MYO9B: variants seen among roughly 807,000 people sequenced by gnomAD.
MYO9B encodes unconventional myosin-IXb.
In MYO9B, 71 loss-of-function variants were observed where a neutral mutation model predicts 229.5. That is an observed-to-expected ratio of 0.31 (90% CI 0.26 to 0.38). MYO9B has a LOEUF of 0.38. Ranked by LOEUF, MYO9B falls within the 10% of genes least tolerant of loss-of-function variation. MYO9B has a pLI of 1.00. For missense variants in MYO9B, 2,255 were observed against 2,920.5 expected (o/e 0.77, Z 5.25); for synonymous variants, 1,185 against 1,235.8 (o/e 0.96, Z 0.86).
At chr19:17,178,879 C>T (rs2072821184) in intron 14 of MYO9B, among the ~76,000 whole-genome samples, 1 of 151,838 alleles carries the variant, frequency 6.6e-6, no homozygotes, top group Non-Finnish European at 1.5e-5. Flanking sequence ...ACTAAAAATA[C>T]AAAAATTAGC....
chr19:17,153,959 A>G lies in MYO9B; in HGVS notation c.999-8A>G. ...AACAACTATTTTCCTCCCAATTTTGACCTGTAGGAACTACCATGTGTTTTA... is the reference window on the plus strand; with the variant it reads ...AACAACTATTTTCCTCCCAATTTTGGCCTGTAGGAACTACCATGTGTTTTA... On this transcript the variant is annotated splice_polypyrimidine_tract_variant and splice_region_variant and intron_variant, in intron 4 of 39. Transcript: ENST00000682292. 1.2e-6 allele frequency: 2 copies of G among 1,610,896 alleles called. No homozygotes were observed. Among genetic ancestry groups the G allele is most frequent in the Non-Finnish European group, 1.7e-6 (2 of 1,177,156 alleles).
At chr19:17,087,207 G>A (rs369812958) in intron 1 of MYO9B, among the ~76,000 whole-genome samples, 2 of 152,322 alleles carry the variant, frequency 1.3e-5, no homozygotes, top group South Asian at 2.1e-4. Context: ...GGAGGGGTGG[G>A]CGTATAGCAC....
intron 31 of MYO9B, 121 bp from the exon 32 acceptor site, chr19:17,205,839 G>T: frequency 1.0e-6 from 1 of 975,032 alleles, no homozygotes. Flanking sequence ...AGACAGGGAG[G>T]GACAGAACAG....
At chr19:17,178,056 C>G (rs1180263627) in intron 14 of MYO9B, among the ~76,000 whole-genome samples, 2 of 152,198 alleles carry the variant, frequency 1.3e-5, no homozygotes, top group Admixed American at 6.6e-5. Flanking sequence ...TTAGCCAGGT[C>G]GGCAGGGCTG....
At chr19:17,103,046 C>T (rs889345399) in intron 2 of MYO9B, among the ~76,000 whole-genome samples, 1 of 146,872 alleles carries the variant, frequency 6.8e-6, no homozygotes, top group African/African-American at 2.5e-5. Flanking sequence ...GCAAGGCCCC[C>T]TCTCTACAAA....
intron 8 of MYO9B, among the ~76,000 whole-genome samples, chr19:17,160,388 A>T (rs2072585049): frequency 6.6e-6 from 1 of 152,020 alleles, no homozygotes; most frequent in South Asian, 2.1e-4. Context: ...ATGCAAAACG[A>T]GGGGGACACA....
intron 29 of MYO9B, 71 bp downstream of exon 29, chr19:17,202,954 TG>T: frequency 6.5e-7 from 1 of 1,540,230 alleles, no homozygotes; most frequent in Non-Finnish European, 8.8e-7. Context: ...TGTGTGTCAG[TG>T]TCAATGTGCG....
intron 30 of MYO9B, among the ~76,000 whole-genome samples, chr19:17,203,878 G>A (rs1169155826): frequency 2.6e-5 from 4 of 151,944 alleles, no homozygotes; most frequent in Non-Finnish European, 4.4e-5. Flanking sequence ...GGCTCCTCAC[G>A]GTCCCTCCCC....
intron 1 of MYO9B, chr19:17,095,702 T>A (rs1306852353): frequency 6.6e-6 from 1 of 152,222 alleles, no homozygotes; most frequent in African/African-American, 2.4e-5. Context: ...TCTATTCTTT[T>A]GGGTCTATAC....
intron 1 of MYO9B, among the ~76,000 whole-genome samples, chr19:17,091,843 G>A (rs759821005): frequency 3.3e-5 from 5 of 152,202 alleles, no homozygotes; most frequent in East Asian, 1.9e-4. Flanking sequence ...GCCTGGGGGC[G>A]GGGCACGCAT....
chr19:17,093,194 G>A (rs1360098500), intron 1 of MYO9B, among the ~76,000 whole-genome samples: 5 of 152,112 alleles, frequency 3.3e-5, no homozygotes, highest in African/African-American at 1.2e-4. Context: ...TTAGCTGGGC[G>A]TGGTGGTGCA....
intron 1 of MYO9B, among the ~76,000 whole-genome samples, chr19:17,097,084 A>G (rs1488313167): frequency 1.3e-5 from 2 of 151,782 alleles, no homozygotes; most frequent in Non-Finnish European, 1.5e-5. Context: ...CGGGTGGATC[A>G]CTTGAAGTCA....
chr19:17,107,054 A>AC (rs60139334), intron 2 of MYO9B, among the ~76,000 whole-genome samples: 90,734 of 151,770 alleles, frequency 0.6, 27,510 homozygotes, highest in Middle Eastern at 0.69. Context: ...CAAGAGCGAA[A>AC]TCTGTCTCAA....
rs979720741 is a variant in MYO9B at position 17,167,480 on chromosome 19, T to C, written c.1672-463T>C. Among the ~76,000 whole-genome samples, 22 of 145,996 alleles carry C rather than the reference T, an allele frequency of 1.5e-4. No individual in the cohort carries two copies. In the East Asian group the frequency reaches 3.9e-3, roughly 26 times the overall value. Reference sequence around the variant, plus strand: ...AAGTGTATTATTAGAGCTATTTTTTTTTTTTTTTTTTTGTGACGGAGTTTC... The same window carrying C: ...AAGTGTATTATTAGAGCTATTTTTTCTTTTTTTTTTTTGTGACGGAGTTTC... On this transcript the variant is annotated intron_variant, in intron 10 of 39. Coordinates refer to ENST00000682292, the MANE Select transcript of MYO9B (RefSeq NM_004145.4).
rs1289372198 is a variant in MYO9B, at chr19:17,211,579, C to G, written c.5931-68C>G. 1.7e-5 allele frequency: 25 copies of G among 1,432,444 alleles called. No individual in the cohort carries two copies. In the Admixed American group the frequency reaches 4.8e-4, roughly 28 times the overall value. The allele number at this position is 1,432,444 out of a possible 1,614,324, so 88.7% of individuals were successfully genotyped here. On this transcript the variant is annotated intron_variant, in intron 38 of 39. Coordinates refer to ENST00000682292, the MANE Select transcript of MYO9B (RefSeq NM_004145.4). Reference sequence around the variant, plus strand: ...TTACATCTAGGAGCAGGACAGCCTGCTCTGTTCCACACTGGCCCAGCACTT... The same window carrying G: ...TTACATCTAGGAGCAGGACAGCCTGGTCTGTTCCACACTGGCCCAGCACTT...
intron 15 of MYO9B, among the ~76,000 whole-genome samples, chr19:17,182,665 A>C (rs2072874721): frequency 6.6e-6 from 1 of 151,390 alleles, no homozygotes; most frequent in Non-Finnish European, 1.5e-5. Context: ...CTCGGCCTCA[A>C]ACTTTTGTCC....
intron 7 of MYO9B, among the ~76,000 whole-genome samples, chr19:17,159,123 GGCAGAGGTTGCAGTGA>G (rs1368356425): frequency 3.3e-5 from 5 of 152,124 alleles, no homozygotes; most frequent in African/African-American, 1.2e-4. Context: ...GAACCCAGGA[GGCAGAGGTTGCAGTGA>G]GCCAGGATTG....
intron 4 of MYO9B, 38 bp downstream of exon 4, chr19:17,152,744 G>A (rs2072492726): frequency 1.2e-5 from 18 of 1,550,756 alleles, no homozygotes; most frequent in Middle Eastern, 1.7e-4. Flanking sequence ...TGAATGCCAC[G>A]CCATGTCTAC....
At chr19:17,147,672 A>ATTTTTT (rs1027030377) in intron 3 of MYO9B, among the ~76,000 whole-genome samples, 7 of 81,236 alleles carry the variant, frequency 8.6e-5, no homozygotes, top group Non-Finnish European at 1.3e-4. Context: ...ACTATGTTTA[A>ATTTTTT]TTTTTTTTTT....
Sources: allele counts gnomAD v4.1 joint callset (sites outside exome capture counted in the v4.1 genomes callset), GRCh38; gene constraint gnomAD v4.1.1; transcripts MANE v1.5; gene names NCBI Gene and HGNC (gene_info 2026-07-23, HGNC 2026-07-21).